The following CCDC85A variants were observed in gnomAD, a reference collection of about 807,000 sequenced individuals.
CCDC85A encodes coiled-coil domain-containing protein 85A.
A neutral mutation model predicts 50.2 loss-of-function variants in CCDC85A; 38 were observed. That is an observed-to-expected ratio of 0.76 (90% CI 0.58 to 0.99). The LOEUF (loss-of-function observed/expected upper bound fraction) is 0.99, where lower values mean the gene tolerates loss of function less well. Among genes scored for constraint, CCDC85A ranks in the 50% least tolerant of loss-of-function variants. CCDC85A has a pLI of 0.00. For missense variants in CCDC85A, 820 were observed against 742.0 expected (o/e 1.11, Z -1.22); for synonymous variants, 366 against 301.4 (o/e 1.21, Z -2.22).
chr2:56,377,243 T>G (rs1676379116), intron 5 of CCDC85A, among the ~76,000 whole-genome samples: 1 of 152,166 alleles, frequency 6.6e-6, no homozygotes, highest in Non-Finnish European at 1.5e-5. Context: ...GGCACTGCTT[T>G]GCCTCTAGTG....
At chr2:56,326,673 T>TA (rs1266267590) in intron 2 of CCDC85A, among the ~76,000 whole-genome samples, 5 of 151,860 alleles carry the variant, frequency 3.3e-5, no homozygotes, top group Admixed American at 6.6e-5. Flanking sequence ...TACCAAAAGT[T>TA]AAAAAAAACC....
chr2:56,270,674 G>T (rs1670658496), intron 2 of CCDC85A, among the ~76,000 whole-genome samples: 1 of 151,960 alleles, frequency 6.6e-6, no homozygotes, highest in African/African-American at 2.4e-5. Flanking sequence ...TATTTTTAAG[G>T]TCCATTGGAT....
chr2:56,239,563 A>G (rs1053384327), intron 2 of CCDC85A, among the ~76,000 whole-genome samples: 1 of 152,144 alleles, frequency 6.6e-6, no homozygotes, highest in Middle Eastern at 3.4e-3. Flanking sequence ...GAGGCACACT[A>G]TTTACTTGGG....
At chr2:56,252,332 C>T in intron 2 of CCDC85A, among the ~76,000 whole-genome samples, 1 of 152,134 alleles carries the variant, frequency 6.6e-6, no homozygotes, top group East Asian at 1.9e-4. Flanking sequence ...AGGCGTGAGC[C>T]ACTGCGCCTG....
chr2:56,365,222 A>G (rs372448584), intron 3 of CCDC85A, among the ~76,000 whole-genome samples: 19 of 152,320 alleles, frequency 1.2e-4, no homozygotes, highest in African/African-American at 4.6e-4. Context: ...ACAGACATCA[A>G]TCTCAGCCAT....
chr2:56,307,189 T>C (rs1672483293), intron 2 of CCDC85A, among the ~76,000 whole-genome samples: 1 of 152,198 alleles, frequency 6.6e-6, no homozygotes, highest in Admixed American at 6.6e-5. Context: ...TTCAAACTCA[T>C]TTGTCATTTT....
chr2:56,317,386 G>C (rs553492711), intron 2 of CCDC85A, among the ~76,000 whole-genome samples: 1 of 152,156 alleles, frequency 6.6e-6, no homozygotes, highest in East Asian at 1.9e-4. Flanking sequence ...GGCATTGCCA[G>C]TATAGCATTT....
At position 56,346,164 on chromosome 2, in the gene CCDC85A, A is replaced by G. The variant is rs185947999; in HGVS notation, c.1317+3209A>G. On this transcript the variant is annotated intron_variant, in intron 3 of 5. Coordinates refer to ENST00000407595, the MANE Select transcript of CCDC85A (RefSeq NM_001080433.2). ...CAATGCTCCTTTTTATTCTTTATAT[A>G]AAATTGTATATAATGAACAGAAAGT... is the stretch of plus-strand genomic sequence containing the variant. 3.9e-3 allele frequency among the ~76,000 whole-genome samples: 600 copies of G among 152,346 alleles called. 9 individuals are homozygous for G. Among genetic ancestry groups the G allele is most frequent in the African/African-American group, 0.014 (570 of 41,590 alleles).
intron 2 of CCDC85A, among the ~76,000 whole-genome samples, chr2:56,266,695 A>G (rs77117070): frequency 0.02 from 2,914 of 147,008 alleles, 42 homozygotes; most frequent in Middle Eastern, 0.04. Flanking sequence ...ATTTTCACTG[A>G]GAGTCTTACA....
At chr2:56,248,098 C>A (rs1669589404) in intron 2 of CCDC85A, among the ~76,000 whole-genome samples, 1 of 152,120 alleles carries the variant, frequency 6.6e-6, no homozygotes, top group Non-Finnish European at 1.5e-5. Context: ...GTGATATTAC[C>A]CGGATGGCTA....
At chr2:56,340,455 G>A (rs1674300924) in intron 2 of CCDC85A, among the ~76,000 whole-genome samples, 1 of 152,148 alleles carries the variant, frequency 6.6e-6, no homozygotes, top group South Asian at 2.1e-4. Flanking sequence ...AACTATGGAA[G>A]TGTTACCAGT....
chr2:56,355,038 A>G (rs1675151959), intron 3 of CCDC85A, among the ~76,000 whole-genome samples: 1 of 152,134 alleles, frequency 6.6e-6, no homozygotes, highest in South Asian at 2.1e-4. Context: ...TTCCCCCATC[A>G]GGTATACAAG....
intron 2 of CCDC85A, among the ~76,000 whole-genome samples, chr2:56,270,978 A>G (rs1349329573): frequency 6.6e-6 from 1 of 152,144 alleles, no homozygotes; most frequent in African/African-American, 2.4e-5. Flanking sequence ...AATCCTAACA[A>G]CTTTTGAATT....
At chr2:56,340,270 A>G (rs1020307959) in intron 2 of CCDC85A, among the ~76,000 whole-genome samples, 2 of 152,218 alleles carry the variant, frequency 1.3e-5, no homozygotes, top group Admixed American at 6.5e-5. Context: ...CTATTTCCAC[A>G]TAAAATAATT....
intron 3 of CCDC85A, among the ~76,000 whole-genome samples, chr2:56,348,733 G>T (rs763866080): frequency 1.6e-4 from 24 of 152,262 alleles, no homozygotes; most frequent in Middle Eastern, 3.4e-3. Flanking sequence ...ACCTCACCAC[G>T]GTGCTTATGC....
chr2:56,367,755 A>G (rs1418892371), intron 3 of CCDC85A, among the ~76,000 whole-genome samples: 1 of 152,208 alleles, frequency 6.6e-6, no homozygotes, highest in Non-Finnish European at 1.5e-5. Flanking sequence ...TCGGACATAA[A>G]TTGACAAGTT....
intron 2 of CCDC85A, among the ~76,000 whole-genome samples, chr2:56,333,852 A>G (rs1227235145): frequency 6.6e-6 from 1 of 152,232 alleles, no homozygotes; most frequent in African/African-American, 2.4e-5. Flanking sequence ...AGCCAAAAAG[A>G]GCACAAGGCT....
At chr2:56,190,273 G>C (rs192770596) in intron 1 of CCDC85A, among the ~76,000 whole-genome samples, 4 of 152,242 alleles carry the variant, frequency 2.6e-5, no homozygotes, top group African/African-American at 9.6e-5. Context: ...AGCTGCCCCT[G>C]TTTCATCCTT....
intron 2 of CCDC85A, among the ~76,000 whole-genome samples, chr2:56,273,687 A>AAT (rs10579579): frequency 0.075 from 11,149 of 148,164 alleles, 496 homozygotes; most frequent in African/African-American, 0.12. Flanking sequence ...TGGGTTTCAG[A>AAT]ATATATATAT....
Sources: gnomAD v4.1 joint callset for allele counts (sites outside exome capture counted in the v4.1 genomes callset) on GRCh38, gnomAD v4.1.1 for gene constraint, MANE v1.5 for transcripts, NCBI Gene and HGNC (gene_info 2026-07-23, HGNC 2026-07-21) for gene names.